MTHFD2L: variants seen among roughly 807,000 people sequenced by gnomAD.
The protein encoded by MTHFD2L is bifunctional methylenetetrahydrofolate dehydrogenase/cyclohydrolase 2, mitochondrial.
In MTHFD2L, 29 loss-of-function variants were observed where a neutral mutation model predicts 34.9. The ratio of observed to expected loss-of-function variants is 0.83; its 90% confidence interval spans 0.62 to 1.13. MTHFD2L has a LOEUF of 1.13. Among genes scored for constraint, MTHFD2L ranks in the 50% most tolerant of loss-of-function variants. MTHFD2L has a pLI of 0.00. For synonymous variants in MTHFD2L, 167 were observed against 155.7 expected (o/e 1.07, Z -0.54); for missense variants, 481 against 446.5 (o/e 1.08, Z -0.70).
intron 3 of MTHFD2L, chr4:74,181,560 A>G (rs1052725822): frequency 6.6e-5 from 10 of 152,160 alleles, no homozygotes; most frequent in African/African-American, 2.4e-4. Flanking sequence ...GCAGAAATTT[A>G]AGAGAGCATC....
At chr4:74,159,155 T>A (rs1724861589) in intron 1 of MTHFD2L, among the ~76,000 whole-genome samples, 1 of 152,188 alleles carries the variant, frequency 6.6e-6, no homozygotes. Context: ...TTAATTTAAA[T>A]CAGTTAACTC....
chr4:74,265,774 C>G (rs969934548), intron 6 of MTHFD2L, among the ~76,000 whole-genome samples: 2 of 152,128 alleles, frequency 1.3e-5, no homozygotes, highest in Admixed American at 6.5e-5. Flanking sequence ...TAAAATAGTA[C>G]TTTGGTATAT....
At chr4:74,217,050 C>T (rs1471978317) in intron 5 of MTHFD2L, among the ~76,000 whole-genome samples, 2 of 151,802 alleles carry the variant, frequency 1.3e-5, no homozygotes, top group African/African-American at 4.9e-5. Context: ...TGGGCTGTAT[C>T]TCCTAACTCA....
At chr4:74,180,583 G>A (rs1729946926) in intron 3 of MTHFD2L, 1 of 294,920 alleles carries the variant, frequency 3.4e-6, no homozygotes, top group South Asian at 2.6e-5. Flanking sequence ...TGTGCAGGGA[G>A]TTTCCATGCA....
upstream of MTHFD2L, among the ~76,000 whole-genome samples, chr4:74,118,712 A>T (rs1006130674): frequency 6.6e-6 from 1 of 152,218 alleles, no homozygotes; most frequent in East Asian, 1.9e-4. Context: ...AAGAACTGAC[A>T]GTGGTCCATG....
chr4:74,222,609 C>A (rs1321003173), intron 5 of MTHFD2L, among the ~76,000 whole-genome samples: 1 of 151,964 alleles, frequency 6.6e-6, no homozygotes, highest in Non-Finnish European at 1.5e-5. Flanking sequence ...TGTTTGTTAC[C>A]CCAATCCTCA....
At chr4:74,271,956 T>C (rs1245451001) in intron 6 of MTHFD2L, among the ~76,000 whole-genome samples, 1 of 152,070 alleles carries the variant, frequency 6.6e-6, no homozygotes, top group African/African-American at 2.4e-5. Context: ...AAGAGGGTAT[T>C]ATGTAAGTTC....
intron 1 of MTHFD2L, among the ~76,000 whole-genome samples, chr4:74,138,592 C>A (rs1240280665): frequency 6.6e-6 from 1 of 152,146 alleles, no homozygotes; most frequent in African/African-American, 2.4e-5. Flanking sequence ...CGATCCAGAG[C>A]GGCAATGGGA....
At chr4:74,195,473 C>G (rs1733312938) in intron 3 of MTHFD2L, 1 of 152,068 alleles carries the variant, frequency 6.6e-6, no homozygotes, top group Non-Finnish European at 1.5e-5. Context: ...TGATAAAGTG[C>G]TAGATATATT....
chr4:74,237,320 C>G (rs946583424), intron 6 of MTHFD2L, among the ~76,000 whole-genome samples: 7 of 152,200 alleles, frequency 4.6e-5, no homozygotes, highest in African/African-American at 1.4e-4. Context: ...TAGAAAACTC[C>G]CTGTTCAATG....
intron 1 of MTHFD2L, among the ~76,000 whole-genome samples, chr4:74,171,263 G>A (rs491963): frequency 0.99 from 150,901 of 152,306 alleles, 74,770 homozygotes; most frequent in Middle Eastern, 1. Context: ...ATCAGTATTC[G>A]TTAAGGGAAT....
intron 2 of MTHFD2L, among the ~76,000 whole-genome samples, chr4:74,117,843 C>A (rs115489553): frequency 6.6e-6 from 1 of 152,206 alleles, no homozygotes; most frequent in African/African-American, 2.4e-5. Context: ...AATTCTCAGT[C>A]TCTATATCAA....
chr4:74,116,389 C>T (rs962733504), intron 2 of MTHFD2L, among the ~76,000 whole-genome samples: 2 of 152,146 alleles, frequency 1.3e-5, no homozygotes, highest in South Asian at 4.1e-4. Flanking sequence ...TGACTAGCTA[C>T]TCCAACATCA....
At chr4:74,243,540 ATTTG>A (rs1290309001) in intron 6 of MTHFD2L, among the ~76,000 whole-genome samples, 1 of 151,802 alleles carries the variant, frequency 6.6e-6, no homozygotes, top group Admixed American at 6.6e-5. Flanking sequence ...TTGTTGTTTT[ATTTG>A]TTTGATTTTA....
chr4:74,132,102 G>C (rs1265647248), intron 1 of MTHFD2L, among the ~76,000 whole-genome samples: 1 of 152,230 alleles, frequency 6.6e-6, no homozygotes, highest in Non-Finnish European at 1.5e-5. Context: ...AGATACTGAA[G>C]AGGAAGTGGA....
intron 6 of MTHFD2L, among the ~76,000 whole-genome samples, chr4:74,233,826 G>A (rs891540962): frequency 1.3e-4 from 20 of 151,718 alleles, no homozygotes; most frequent in African/African-American, 4.8e-4. Flanking sequence ...CTAATTACAG[G>A]GACTTTTGAA....
At chr4:74,135,765 C>T (rs1406914757) in intron 1 of MTHFD2L, among the ~76,000 whole-genome samples, 1 of 151,868 alleles carries the variant, frequency 6.6e-6, no homozygotes, top group Non-Finnish European at 1.5e-5. Flanking sequence ...CAGCAAAATA[C>T]TCATTTACCA....
chr4:74,294,970 A>G (rs932126863), intron 7 of MTHFD2L, among the ~76,000 whole-genome samples: 2 of 152,164 alleles, frequency 1.3e-5, no homozygotes, highest in Non-Finnish European at 2.9e-5. Flanking sequence ...AAAATGCAAG[A>G]TGAATTTCTC....
chr4:74,294,274 C>T (rs1308913421), intron 7 of MTHFD2L, among the ~76,000 whole-genome samples: 2 of 152,052 alleles, frequency 1.3e-5, no homozygotes. Context: ...CTGGAAATGC[C>T]ATTATTTGGG....
Sources: gnomAD v4.1 joint callset for allele counts (sites outside exome capture counted in the v4.1 genomes callset) on GRCh38, gnomAD v4.1.1 for gene constraint, MANE v1.5 for transcripts, NCBI Gene and HGNC (gene_info 2026-07-23, HGNC 2026-07-21) for gene names.